GLRA2: variants seen among roughly 807,000 people sequenced by gnomAD.
GLRA2 encodes glycine receptor subunit alpha-2.
GLRA2 carries 11 observed loss-of-function variants against 31.6 expected under a neutral mutation model. The ratio of observed to expected loss-of-function variants is 0.35; its 90% CI spans 0.22 to 0.58. GLRA2 has a LOEUF of 0.58. Ranked by LOEUF, GLRA2 falls within the 20% of genes least tolerant of loss-of-function variation. The pLI is 0.84. For missense variants in GLRA2, 212 were observed against 351.8 expected (o/e 0.60, Z 3.18); for synonymous variants, 132 against 134.0 (o/e 0.99, Z 0.10).
chrX:14,729,777 G>T (rs887923052), intron 8 of GLRA2, among the ~76,000 whole-genome samples: 18 of 110,932 alleles, frequency 1.6e-4, no homozygotes, highest in African/African-American at 5.9e-4. Flanking sequence ...TTAGGGCCAG[G>T]CACACAGCAC....
chrX:14,721,349 G>A (rs2091863360), intron 8 of GLRA2, among the ~76,000 whole-genome samples: 1 of 110,710 alleles, frequency 9.0e-6, no homozygotes, highest in Non-Finnish European at 1.9e-5. Context: ...AAAATGATTA[G>A]TATGTGAAGT....
chrX:14,728,929 A>G (rs2091958853), intron 8 of GLRA2, among the ~76,000 whole-genome samples: 1 of 112,253 alleles, frequency 8.9e-6, no homozygotes, highest in African/African-American at 3.2e-5. Flanking sequence ...CCCATTTTGC[A>G]CATGATCAAG....
chrX:14,726,737 G>A (rs1843156259), intron 8 of GLRA2, among the ~76,000 whole-genome samples: 1 of 112,434 alleles, frequency 8.9e-6, no homozygotes, highest in Admixed American at 9.4e-5. Context: ...CACAGTATGT[G>A]ATGAAAGACT....
intron 2 of GLRA2, among the ~76,000 whole-genome samples, chrX:14,565,146 G>T (rs1467930737): frequency 9.0e-6 from 1 of 111,677 alleles, no homozygotes; most frequent in Non-Finnish European, 1.9e-5. Context: ...AATGTAAATG[G>T]ATTAAACACC....
At chrX:14,509,872 G>A in the GLRA2 span, among the ~76,000 whole-genome samples, 5 of 111,860 alleles carry the variant, frequency 4.5e-5, no homozygotes, top group Non-Finnish European at 7.5e-5. Flanking sequence ...GCATAATAGA[G>A]CAGAAAAAAT....
intron 3 of GLRA2, among the ~76,000 whole-genome samples, chrX:14,575,249 G>A (rs1325411473): frequency 9.5e-6 from 1 of 105,804 alleles, no homozygotes; most frequent in Non-Finnish European, 1.9e-5. Flanking sequence ...CACCCGGGCT[G>A]GAGTGCAGTG....
chrX:14,572,217 C>G (rs1043871081), intron 2 of GLRA2, among the ~76,000 whole-genome samples: 1 of 112,285 alleles, frequency 8.9e-6, no homozygotes, highest in Non-Finnish European at 1.9e-5. Context: ...CTAAATGCTT[C>G]CAAGCCAGTT....
At chrX:14,500,604 G>A in the GLRA2 span, among the ~76,000 whole-genome samples, 2 of 112,117 alleles carry the variant, frequency 1.8e-5, no homozygotes, top group African/African-American at 6.5e-5. Flanking sequence ...GGGGAAGCTA[G>A]TTGTCCACCT....
At chrX:14,548,669 A>C (rs1027093690) in intron 2 of GLRA2, among the ~76,000 whole-genome samples, 2 of 111,877 alleles carry the variant, frequency 1.8e-5, no homozygotes, top group Non-Finnish European at 3.8e-5. Context: ...GGATAGTGAC[A>C]TCTAACTTAT....
chrX:14,719,287 C>T (rs2091833682), intron 8 of GLRA2, among the ~76,000 whole-genome samples: 1 of 111,882 alleles, frequency 8.9e-6, no homozygotes, highest in African/African-American at 3.3e-5. Context: ...GGAGAAGACA[C>T]TTTCAAACTC....
chrX:14,724,176 A>C, intron 8 of GLRA2, among the ~76,000 whole-genome samples: 1 of 111,711 alleles, frequency 9.0e-6, no homozygotes, highest in Middle Eastern at 4.6e-3. Flanking sequence ...ATATGTATAA[A>C]TATGTTTGTG....
chrX:14,684,798 GC>G (rs1340173059), intron 7 of GLRA2, among the ~76,000 whole-genome samples: 2 of 111,077 alleles, frequency 1.8e-5, no homozygotes, highest in Admixed American at 9.6e-5. Flanking sequence ...CTAATTGAAA[GC>G]CCTTTATTTC....
the GLRA2 span, among the ~76,000 whole-genome samples, chrX:14,505,297 A>C: frequency 1.8e-5 from 2 of 112,238 alleles, no homozygotes; most frequent in African/African-American, 6.5e-5. Context: ...TAGTAAGAAA[A>C]GATCTGGGAA....
intron 8 of GLRA2, among the ~76,000 whole-genome samples, chrX:14,708,636 G>A: frequency 9.0e-6 from 1 of 111,554 alleles, no homozygotes; most frequent in East Asian, 2.8e-4. Context: ...CACACAGCTG[G>A]GAGAAAAGAG....
At chrX:14,469,510 C>G in the GLRA2 span, among the ~76,000 whole-genome samples, 1 of 107,638 alleles carries the variant, frequency 9.3e-6, no homozygotes, top group Non-Finnish European at 1.9e-5. Context: ...GAATACTATG[C>G]AGCCATAAAA....
At chrX:14,586,013 A>T (rs1176866439) in intron 4 of GLRA2, among the ~76,000 whole-genome samples, 1 of 112,062 alleles carries the variant, frequency 8.9e-6, no homozygotes, top group East Asian at 2.8e-4. Context: ...TTGTAGGTGT[A>T]GGGGTAGAAT....
At chrX:14,468,863 G>C in the GLRA2 span, among the ~76,000 whole-genome samples, 28 of 110,183 alleles carry the variant, frequency 2.5e-4, no homozygotes, top group African/African-American at 8.3e-4. Context: ...CATTCTAACT[G>C]GTGTGAGATG....
chrX:14,639,881 C>T (rs1010069625), intron 7 of GLRA2, among the ~76,000 whole-genome samples: 4 of 112,075 alleles, frequency 3.6e-5, no homozygotes, highest in Admixed American at 1.9e-4. Flanking sequence ...CAAAGAACTG[C>T]TACACAGATG....
Position 14,546,483 on chromosome X carries a change from C to G in GLRA2, c.202+14111C>G, listed in dbSNP as rs1051338693. On this transcript the variant is annotated intron_variant, in intron 2 of 8. Transcript: ENST00000218075. Reference sequence around the variant, plus strand: ...GAATTTGTGACTTGGGGCAAATATCCTAAACCCTATTAAAAAAAAGATTTC... The same window carrying G: ...GAATTTGTGACTTGGGGCAAATATCGTAAACCCTATTAAAAAAAAGATTTC... 4.5e-5 allele frequency among the ~76,000 whole-genome samples: 5 copies of G among 111,230 alleles called. No individual in the cohort carries two copies. In the South Asian group the frequency reaches 1.5e-3, roughly 33 times the overall value.
Sources: gnomAD v4.1 joint callset for allele counts (sites outside exome capture counted in the v4.1 genomes callset) on GRCh38, gnomAD v4.1.1 for gene constraint, MANE v1.5 for transcripts, NCBI Gene and HGNC (gene_info 2026-07-23, HGNC 2026-07-21) for gene names.